Variants in ADGRV1 observed in about 807,000 individuals in gnomAD.
The protein encoded by ADGRV1 is G-protein coupled receptor 98.
In ADGRV1, 359 loss-of-function variants were observed where a neutral mutation model predicts 596.2. The ratio of observed to expected loss-of-function variants is 0.60; its 90% CI spans 0.55 to 0.66. ADGRV1 has a LOEUF of 0.66. Ranked by LOEUF, ADGRV1 falls within the 30% of genes least tolerant of loss-of-function variation. ADGRV1 has a pLI of 0.00. For missense variants in ADGRV1, 7,274 were observed against 7,575.6 expected (o/e 0.96, Z 1.48); for synonymous variants, 2,681 against 2,679.2 (o/e 1.00, Z -0.02).
In ADGRV1 at chr5:90,632,124, T is replaced by C. The variant is rs185201728; in HGVS notation, c.1839+2585T>C. Among the ~76,000 whole-genome samples the C allele has an allele frequency of 3.3e-5, 5 of 152,292 alleles. No individual in the cohort carries two copies. In the East Asian group the frequency reaches 9.6e-4, roughly 29 times the overall value. ...GGGTTTCAGAACATTCCCATAAGTA[T>C]ATGTTTAAGGGCTTTTTTTGGGATT... On this transcript the variant is annotated intron_variant, in intron 9 of 89. Transcript: ENST00000405460.
intron 86 of ADGRV1, among the ~76,000 whole-genome samples, chr5:91,075,557 T>C (rs145273822): frequency 2.5e-4 from 38 of 152,300 alleles, no homozygotes; most frequent in African/African-American, 9.1e-4. Context: ...TGCAATAAAA[T>C]GTGAATAGAA....
At position 91,059,111 on chromosome 5, in the gene ADGRV1, C is replaced by T. The variant is rs142517542; in HGVS notation, c.18153-13336C>T. ...AGGAGGATTTGGGCTTAGCAATAGACGACAGTGATCATGGTTATCTTTTAT... is the reference window on the plus strand; with the variant it reads ...AGGAGGATTTGGGCTTAGCAATAGATGACAGTGATCATGGTTATCTTTTAT... On this transcript the variant is annotated intron_variant, in intron 85 of 89. Coordinates refer to ENST00000405460, the MANE Select transcript of ADGRV1 (RefSeq NM_032119.4). Among the ~76,000 whole-genome samples, 519 of 152,268 alleles carry T rather than the reference C, an allele frequency of 3.4e-3. 2 individuals are homozygous for T. Among genetic ancestry groups the T allele is most frequent in the African/African-American group, 0.011 (473 of 41,542 alleles).
At chr5:90,873,685 C>T (rs1323083670) in intron 83 of ADGRV1, among the ~76,000 whole-genome samples, 1 of 152,014 alleles carries the variant, frequency 6.6e-6, no homozygotes, top group East Asian at 1.9e-4. Context: ...GTCCCAGCTG[C>T]TCTGGAGGTT....
intron 86 of ADGRV1, among the ~76,000 whole-genome samples, chr5:91,078,507 G>A (rs963636879): frequency 5.3e-5 from 8 of 152,312 alleles, no homozygotes; most frequent in African/African-American, 9.6e-5. Context: ...CTTTGGACTT[G>A]CTTAGACCAA....
intron 65 of ADGRV1, among the ~76,000 whole-genome samples, 165 bp from the exon 66 acceptor site, chr5:90,782,959 G>A (rs914242462): frequency 6.6e-6 from 1 of 152,120 alleles, no homozygotes. Flanking sequence ...CCTAAAAAAT[G>A]TCATGAGGTT....
chr5:91,028,744 T>TTTG (rs1026652871), intron 85 of ADGRV1, among the ~76,000 whole-genome samples: 1 of 149,362 alleles, frequency 6.7e-6, no homozygotes, highest in Non-Finnish European at 1.5e-5. Flanking sequence ...TTTTTTTTTT[T>TTTG]TTTTTTTTTT....
intron 83 of ADGRV1, among the ~76,000 whole-genome samples, chr5:90,889,070 A>G (rs1770558590): frequency 6.6e-6 from 1 of 152,120 alleles, no homozygotes; most frequent in Admixed American, 6.6e-5. Flanking sequence ...TCTACACTGG[A>G]GTGCCAACAA....
intron 1 of ADGRV1, among the ~76,000 whole-genome samples, chr5:90,592,451 A>G (rs1211257434): frequency 1.4e-5 from 2 of 142,694 alleles, no homozygotes; most frequent in Non-Finnish European, 2.9e-5. Context: ...TGGATTTTGG[A>G]AAGGGTGGTA....
intron 26 of ADGRV1, among the ~76,000 whole-genome samples, chr5:90,680,532 A>G (rs1056503481): frequency 1.3e-5 from 2 of 152,308 alleles, no homozygotes; most frequent in South Asian, 2.1e-4. Flanking sequence ...TATGAAAAGC[A>G]TACTTAGAAT....
chr5:90,681,350 A>G lies in ADGRV1; in HGVS notation c.5560A>G (p.Ile1854Val), dbSNP rs758419783. 7.4e-6 allele frequency: 12 copies of G among 1,613,726 alleles called. 1 individual carries two copies. The highest frequency in any genetic ancestry group is 2.2e-5 in the East Asian group (1 of 44,874). ...AGTGGCTTCCCAAATTCTAGTGACA[A>G]TTGCAGCCTCTGACCACGCTCATGG... ...LGVASQILVT[I>V]AASDHAHGVF... is the part of the protein sequence containing the mutation. The change falls in exon 27 of 90, where the codon ATT becomes GTT. Residue 1854 changes from isoleucine to valine, a missense_variant. By Grantham distance (29) the Ile-to-Val change is conservative (BLOSUM62 3). Around this residue, in one of 5 missense-constraint regions of ADGRV1, gnomAD observed 3,643 missense variants for 3,809.2 expected, o/e 0.96. Transcript: ENST00000405460.
chr5:90,986,111 CATAT>C (rs372775378), intron 85 of ADGRV1, among the ~76,000 whole-genome samples: 2 of 136,156 alleles, frequency 1.5e-5, no homozygotes, highest in Admixed American at 7.5e-5. Context: ...ATATATTATG[CATAT>C]ATATATATAT....
intron 50 of ADGRV1, among the ~76,000 whole-genome samples, chr5:90,734,818 A>C (rs1298538693): frequency 1.3e-5 from 2 of 152,132 alleles, no homozygotes; most frequent in African/African-American, 4.8e-5. Flanking sequence ...TCAGCCTCCC[A>C]AAGTGCTGGG....
chr5:90,895,080 C>T (rs1022503045), intron 83 of ADGRV1, among the ~76,000 whole-genome samples: 2 of 151,002 alleles, frequency 1.3e-5, no homozygotes, highest in Non-Finnish European at 2.9e-5. Flanking sequence ...AAGCATGCAC[C>T]ACCATGTCTG....
chr5:90,971,771 T>G (rs1396581242), intron 84 of ADGRV1, among the ~76,000 whole-genome samples: 1 of 152,158 alleles, frequency 6.6e-6, no homozygotes, highest in African/African-American at 2.4e-5. Context: ...AGACCATCGA[T>G]GCTAGGAAGA....
intron 2 of ADGRV1, 34 bp downstream of exon 2, chr5:90,615,053 A>G: frequency 7.7e-7 from 1 of 1,303,044 alleles, no homozygotes; most frequent in Non-Finnish European, 1.0e-6. Context: ...TTTTACTGAA[A>G]TAGATATGAC....
chr5:91,127,014 G>A (rs1326419691), intron 87 of ADGRV1, among the ~76,000 whole-genome samples: 1 of 152,108 alleles, frequency 6.6e-6, no homozygotes, highest in Non-Finnish European at 1.5e-5. Flanking sequence ...CAGAATTACG[G>A]TAACCAAATA....
At chr5:90,819,008 A>G (rs1414701301) in intron 75 of ADGRV1, among the ~76,000 whole-genome samples, 4 of 151,974 alleles carry the variant, frequency 2.6e-5, no homozygotes, top group African/African-American at 9.7e-5. Flanking sequence ...TCCTCCTTGT[A>G]CCTCTGGTAG....
intron 87 of ADGRV1, among the ~76,000 whole-genome samples, chr5:91,104,860 C>CT (rs60957930): frequency 0.5 from 62,683 of 125,932 alleles, 17,522 homozygotes; most frequent in Non-Finnish European, 0.62. Context: ...CTTTTCTTTT[C>CT]TTTTTTTTTT....
intron 87 of ADGRV1, among the ~76,000 whole-genome samples, chr5:91,145,366 T>TG (rs1290483445): frequency 6.6e-6 from 1 of 152,240 alleles, no homozygotes; most frequent in African/African-American, 2.4e-5. Flanking sequence ...CGATCTAGCT[T>TG]TTACCCTATC....
Sources: gnomAD v4.1 joint callset for allele counts (sites outside exome capture counted in the v4.1 genomes callset) on GRCh38, gnomAD v4.1.1 for gene constraint, gnomAD v4.1.1 regional missense constraint, MANE v1.5 for transcripts, NCBI Gene and HGNC (gene_info 2026-07-23, HGNC 2026-07-21) for gene names.